STAG1: variants seen among roughly 807,000 people sequenced by gnomAD.
STAG1 encodes cohesin subunit SA-1.
A neutral mutation model predicts 170.9 loss-of-function variants in STAG1; 26 were observed. The observed-to-expected ratio is 0.15, with a 90% confidence interval of 0.11 to 0.21. STAG1 has a LOEUF of 0.21. Ranked by LOEUF, STAG1 falls within the 10% of genes least tolerant of loss-of-function variation. The pLI is 1.00. For missense variants in STAG1, 964 were observed against 1,509.5 expected, an observed-to-expected ratio of 0.64 and a Z score of 5.99; for synonymous variants, 514 against 497.7, an observed-to-expected ratio of 1.03 and a Z score of -0.44.
chr3:136,685,083 G>C (rs1166714336), intron 1 of STAG1, among the ~76,000 whole-genome samples: 1 of 152,162 alleles, frequency 6.6e-6, no homozygotes, highest in Non-Finnish European at 1.5e-5. Flanking sequence ...GGGAAGCCAA[G>C]GCAGGTGGAT....
intron 1 of STAG1, among the ~76,000 whole-genome samples, chr3:136,656,949 C>T (rs1042047580): frequency 3.3e-5 from 5 of 151,338 alleles, no homozygotes; most frequent in African/African-American, 9.7e-5. Flanking sequence ...AAAATAAATA[C>T]ATAAATGAAA....
intron 7 of STAG1, among the ~76,000 whole-genome samples, chr3:136,519,937 TA>T (rs1488370517): frequency 1.3e-5 from 2 of 152,086 alleles, no homozygotes; most frequent in Admixed American, 1.3e-4. Flanking sequence ...CCTCTCTTCC[TA>T]ATAATGAGAA....
At chr3:136,717,940 C>T (rs977495379) in intron 1 of STAG1, among the ~76,000 whole-genome samples, 1 of 152,134 alleles carries the variant, frequency 6.6e-6, no homozygotes, top group African/African-American at 2.4e-5. Flanking sequence ...AAAACATCCT[C>T]TCAGCCTCCA....
rs1553725822 is a variant in STAG1 at position 136,463,770 on chromosome 3, T to TATAC, written c.1313+1110_1313+1111insGTAT. On this transcript the variant is annotated intron_variant, in intron 13 of 33. Coordinates refer to ENST00000383202, the MANE Select transcript of STAG1 (RefSeq NM_005862.3). ...GTGTGTGTGTGTGTGTGTGTGTGTA[T>TATAC]ACACACACACACACACACACATATA... Among the ~76,000 whole-genome samples the TATAC allele has an allele frequency of 2.1e-3, 269 of 126,394 alleles. 1 individual carries two copies. Among genetic ancestry groups the TATAC allele is most frequent in the African/African-American group, 5.9e-3 (209 of 35,650 alleles). 82.9% of individuals were successfully genotyped at this position (126,394 alleles called of 152,430 possible).
intron 1 of STAG1, among the ~76,000 whole-genome samples, chr3:136,716,587 A>G (rs1943547370): frequency 6.6e-6 from 1 of 152,264 alleles, no homozygotes. Context: ...CTGAAGGTGC[A>G]GTGAGCCATG....
chr3:136,485,855 T>A (rs1469214812), intron 9 of STAG1, among the ~76,000 whole-genome samples: 1 of 152,224 alleles, frequency 6.6e-6, no homozygotes, highest in African/African-American at 2.4e-5. Flanking sequence ...ATGTTTTAAT[T>A]TTAGCCAGTG....
intron 7 of STAG1, among the ~76,000 whole-genome samples, chr3:136,515,681 T>C (rs1934337262): frequency 6.6e-6 from 1 of 152,096 alleles, no homozygotes; most frequent in Non-Finnish European, 1.5e-5. Flanking sequence ...TCAGAACCGA[T>C]GATAGAACGT....
At chr3:136,338,555 C>T in intron 32 of STAG1, 105 bp from the exon 33 acceptor site, 1 of 755,732 alleles carries the variant, frequency 1.3e-6, no homozygotes, top group South Asian at 1.7e-5. Context: ...TATGGAACTG[C>T]TAAGAGTCAA....
At chr3:136,462,360 A>T (rs1656114213) in intron 13 of STAG1, among the ~76,000 whole-genome samples, 1 of 152,192 alleles carries the variant, frequency 6.6e-6, no homozygotes, top group African/African-American at 2.4e-5. Flanking sequence ...CTATTTAGCC[A>T]TAAAAAGGAA....
At position 136,443,357 on chromosome 3, in the gene STAG1, A is replaced by G; in HGVS notation, c.1476T>C (p.Ser492=). 1 of 1,613,978 alleles carries G rather than the reference A, an allele frequency of 6.2e-7. No individual in the cohort carries two copies. The highest frequency in any genetic ancestry group is 2.2e-5 in the East Asian group (1 of 44,852). ...ATTCCCAGTCTTTCAACAGTTCTTG[A>G]GAGCTCTCCCATAAACTGTCCACCA... ...AYLVDSLWES[S]QELLKDWECM... is the part of the protein sequence containing the mutation. The change falls in exon 15 of 34, where the codon TCT becomes TCC. Residue 492 remains serine (S), a synonymous_variant. Coordinates refer to ENST00000383202, the MANE Select transcript of STAG1 (RefSeq NM_005862.3).
rs753615653 is a variant in STAG1, at chr3:136,465,094, T to C, written c.1206-106A>G. The C allele has an allele frequency of 5.9e-5, 40 of 675,676 alleles. 1 individual carries two copies. Among genetic ancestry groups the C allele is most frequent in the African/African-American group, 4.0e-4 (22 of 54,422 alleles). The allele number at this position is 675,676 out of a possible 1,614,324, so 41.9% of individuals were successfully genotyped here. A position where few individuals can be genotyped will look rare whatever the true frequency, so the allele number is the denominator to read the frequency against. On this transcript the variant is annotated intron_variant, in intron 12 of 33. Coordinates refer to ENST00000383202, the MANE Select transcript of STAG1 (RefSeq NM_005862.3). ...CATTATAAAGCTCAAGACTTAATAA[T>C]TGTTGTCTCATCTTTTATCTTACTT...
intron 1 of STAG1, among the ~76,000 whole-genome samples, chr3:136,723,837 G>A (rs1933478042): frequency 2.1e-5 from 3 of 146,164 alleles, no homozygotes; most frequent in Non-Finnish European, 3.0e-5. Context: ...GAGGTGGGGG[G>A]GTCAGCCCCC....
At chr3:136,727,398 T>C (rs780353875) in intron 1 of STAG1, among the ~76,000 whole-genome samples, 16 of 152,172 alleles carry the variant, frequency 1.1e-4, no homozygotes, top group Non-Finnish European at 2.2e-4. Flanking sequence ...TGCCATATTC[T>C]CTGAAGGGTT....
intron 4 of STAG1, among the ~76,000 whole-genome samples, chr3:136,575,601 A>AT (rs1937427164): frequency 6.7e-6 from 1 of 149,770 alleles, no homozygotes; most frequent in Non-Finnish European, 1.5e-5. Flanking sequence ...GCTATTTCTG[A>AT]TAACACAGCC....
intron 6 of STAG1, among the ~76,000 whole-genome samples, chr3:136,529,803 A>T (rs1935277432): frequency 6.6e-6 from 1 of 152,222 alleles, no homozygotes; most frequent in Non-Finnish European, 1.5e-5. Context: ...AAAGAAAAAC[A>T]ATAGGAGAAA....
At chr3:136,407,300 C>T (rs1017730677) in intron 21 of STAG1, among the ~76,000 whole-genome samples, 1 of 152,224 alleles carries the variant, frequency 6.6e-6, no homozygotes, top group Non-Finnish European at 1.5e-5. Context: ...GCTGGGATTA[C>T]AGGCGTAAGC....
intron 3 of STAG1, among the ~76,000 whole-genome samples, chr3:136,611,850 A>T (rs1939300999): frequency 7.0e-6 from 1 of 142,514 alleles, no homozygotes; most frequent in South Asian, 2.2e-4. Context: ...TATGTGTGGA[A>T]TTTTTTTTTT....
intron 4 of STAG1, among the ~76,000 whole-genome samples, chr3:136,578,464 G>C (rs1346565151): frequency 6.6e-6 from 1 of 152,180 alleles, no homozygotes; most frequent in Non-Finnish European, 1.5e-5. Flanking sequence ...GAGAGTTATG[G>C]ACTCTCACCA....
chr3:136,538,979 A>C (rs1160240431), intron 6 of STAG1, among the ~76,000 whole-genome samples: 1 of 152,044 alleles, frequency 6.6e-6, no homozygotes, highest in East Asian at 1.9e-4. Flanking sequence ...CTAAAAATAC[A>C]AAAAATTAGC....
Sources: gnomAD v4.1 joint callset for allele counts (sites outside exome capture counted in the v4.1 genomes callset) on GRCh38, gnomAD v4.1.1 for gene constraint, MANE v1.5 for transcripts, NCBI Gene and HGNC (gene_info 2026-07-23, HGNC 2026-07-21) for gene names.